The following TOMM20 variants were observed in gnomAD, a reference collection of about 807,000 sequenced individuals.
TOMM20 encodes translocase of outer mitochondrial membrane 20.
In TOMM20, 10 loss-of-function variants were observed where a neutral mutation model predicts 22.1. The observed-to-expected ratio is 0.45, with a 90% CI of 0.28 to 0.77. The LOEUF (loss-of-function observed/expected upper bound fraction) is 0.77, where lower values mean the gene tolerates loss of function less well. TOMM20 is among the 30% of genes least tolerant of loss of function. TOMM20 has a pLI of 0.13. For synonymous variants in TOMM20, 55 were observed against 61.4 expected, an observed-to-expected ratio of 0.90 and a Z score of 0.49; for missense variants, 121 against 172.2, an observed-to-expected ratio of 0.70 and a Z score of 1.66.
chr1:235,119,927 AC>A, intron 2 of TOMM20, 28 bp from the exon 3 acceptor site: 1 of 1,487,324 alleles, frequency 6.7e-7, no homozygotes, highest in Non-Finnish European at 9.4e-7. Flanking sequence ...AATAAATGAC[AC>A]CACAATTATG....
intron 1 of TOMM20, among the ~76,000 whole-genome samples, chr1:235,123,226 G>C (rs568236251): frequency 6.6e-6 from 1 of 152,298 alleles, no homozygotes; most frequent in Admixed American, 6.5e-5. Flanking sequence ...AGTGGCTCAT[G>C]CTTTAATCCC....
chr1:235,120,431 ATTTTTGT>A (rs1660911405), intron 2 of TOMM20, among the ~76,000 whole-genome samples: 1 of 151,514 alleles, frequency 6.6e-6, no homozygotes, highest in African/African-American at 2.4e-5. Context: ...TGCCCAGCTA[ATTTTTGT>A]ATTTTTAGTA....
chr1:235,122,701 A>G (rs1235159106), intron 1 of TOMM20, among the ~76,000 whole-genome samples: 1 of 152,254 alleles, frequency 6.6e-6, no homozygotes, highest in East Asian at 1.9e-4. Context: ...GATATGTAAC[A>G]GGGGCAAGAA....
At chr1:235,116,457 T>G (rs1660829704) in intron 3 of TOMM20, among the ~76,000 whole-genome samples, 1 of 152,022 alleles carries the variant, frequency 6.6e-6, no homozygotes, top group Admixed American at 6.6e-5. Context: ...GAGAATCGCT[T>G]GAACCTGGAA....
chr1:235,115,508 T>C (rs1660813980), intron 3 of TOMM20, among the ~76,000 whole-genome samples: 1 of 151,906 alleles, frequency 6.6e-6, no homozygotes, highest in Admixed American at 6.6e-5. Flanking sequence ...ACACCTGTAA[T>C]CCCAGCTACT....
intron 4 of TOMM20, among the ~76,000 whole-genome samples, chr1:235,113,248 T>C (rs1180539952): frequency 6.6e-6 from 1 of 152,242 alleles, no homozygotes; most frequent in Non-Finnish European, 1.5e-5. Flanking sequence ...TTTTGCATTT[T>C]TGAGTAGGGA....
At chr1:235,121,677 G>C (rs1240379349) in intron 2 of TOMM20, among the ~76,000 whole-genome samples, 1 of 152,004 alleles carries the variant, frequency 6.6e-6, no homozygotes, top group Non-Finnish European at 1.5e-5. Flanking sequence ...CCAAACAATA[G>C]AACTCATCTC....
At chr1:235,125,245 C>T (rs561354397) in intron 1 of TOMM20, among the ~76,000 whole-genome samples, 2 of 152,168 alleles carry the variant, frequency 1.3e-5, no homozygotes, top group Non-Finnish European at 2.9e-5. Flanking sequence ...GACGGAGTCT[C>T]GCTTTGTCGC....
In TOMM20 at chr1:235,128,810, G is replaced by T; in HGVS notation, c.-95C>A. The T allele has an allele frequency of 1.3e-6, 2 of 1,562,964 alleles. No homozygotes were observed. Among genetic ancestry groups the T allele is most frequent in the Non-Finnish European group, 8.6e-7 (1 of 1,156,720 alleles). On this transcript the variant is annotated 5_prime_UTR_variant, in exon 1 of 5. Transcript: ENST00000366607. ...AGAGCGGTCGGCGCAGCTCACACCCGACGGCCGCGGGCCAGGAACACAGAA... is the reference window on the plus strand; with the variant it reads ...AGAGCGGTCGGCGCAGCTCACACCCTACGGCCGCGGGCCAGGAACACAGAA...
chr1:235,128,006 T>C (rs1343688183), intron 1 of TOMM20: 3 of 439,290 alleles, frequency 6.8e-6, no homozygotes, highest in Non-Finnish European at 1.4e-5. Flanking sequence ...TGAAACCCCG[T>C]CTCTACTAAA....
chr1:235,117,121 C>T (rs1303376236), intron 3 of TOMM20, among the ~76,000 whole-genome samples: 7 of 101,408 alleles, frequency 6.9e-5, no homozygotes, highest in Admixed American at 3.2e-4. Context: ...GGCGACAGAG[C>T]GAGACTCCAT....
rs553761637 is a variant in TOMM20 at position 235,110,690 on chromosome 1, C to T, written c.*1374G>A. The T allele has an allele frequency of 1.3e-5, 2 of 152,070 alleles. No homozygotes were observed. The highest frequency in any genetic ancestry group is 4.8e-5 in the African/African-American group (2 of 41,396). 9.4% of individuals were successfully genotyped at this position (152,070 alleles called of 1,614,324 possible). On this transcript the variant is annotated 3_prime_UTR_variant, in exon 5 of 5. Transcript: ENST00000366607. Reference sequence around the variant, plus strand: ...TCCTTCCACTGCACCACAAAAAAACCGAGATTGATAATGATTAAGAAGAGT... The same window carrying T: ...TCCTTCCACTGCACCACAAAAAAACTGAGATTGATAATGATTAAGAAGAGT...
At chr1:235,123,994 G>A (rs1407010320) in intron 1 of TOMM20, among the ~76,000 whole-genome samples, 2 of 152,234 alleles carry the variant, frequency 1.3e-5, no homozygotes, top group Non-Finnish European at 2.9e-5. Flanking sequence ...AGTTTTAGAT[G>A]CTACATGCGA....
intron 3 of TOMM20, chr1:235,119,423 G>A (rs1407350076): frequency 6.5e-6 from 1 of 153,868 alleles, no homozygotes; most frequent in African/African-American, 2.4e-5. Flanking sequence ...AAGATCTGAA[G>A]ATTAGATGAA....
Position 235,113,822 on chromosome 1 carries a change from A to G in TOMM20, c.339T>C (p.Thr113=). The G allele has an allele frequency of 1.2e-6, 2 of 1,613,804 alleles. No homozygotes were observed. The highest frequency in any genetic ancestry group is 1.7e-6 in the Non-Finnish European group (2 of 1,179,988). Residue 113 remains threonine, a synonymous_variant, in exon 4 of 5, where the codon ACT becomes ACC. Transcript: ENST00000366607. ...PQQLLQVLQQ[T]LPPPVFQMLL... ...GCATCTGGAACACTGGTGGTGGAAG[A>G]GTTTGCTGTAAGACCTGCAGTAACT...
intron 3 of TOMM20, among the ~76,000 whole-genome samples, chr1:235,116,936 C>A (rs529082322): frequency 1.3e-5 from 2 of 149,426 alleles, no homozygotes; most frequent in African/African-American, 2.5e-5. Context: ...GAGATCGAGA[C>A]CATCCTGGCT....
intron 1 of TOMM20, among the ~76,000 whole-genome samples, chr1:235,126,547 G>C (rs909190459): frequency 6.6e-6 from 1 of 152,042 alleles, no homozygotes; most frequent in African/African-American, 2.4e-5. Context: ...GCTCACGCCT[G>C]TAATCCCAGC....
intron 1 of TOMM20, 102 bp downstream of exon 1, chr1:235,128,493 C>A: frequency 1.3e-6 from 2 of 1,565,986 alleles, no homozygotes; most frequent in South Asian, 1.2e-5. Flanking sequence ...ACCACGCGGT[C>A]GCCCTGCGCG....
intron 3 of TOMM20, among the ~76,000 whole-genome samples, chr1:235,118,203 G>A (rs781207134): frequency 1.1e-4 from 16 of 152,218 alleles, no homozygotes; most frequent in Non-Finnish European, 1.9e-4. Context: ...CCCTTCTTGT[G>A]CAAAGTGGAT....
Sources: gnomAD v4.1 joint callset for allele counts (sites outside exome capture counted in the v4.1 genomes callset) on GRCh38, gnomAD v4.1.1 for gene constraint, MANE v1.5 for transcripts, NCBI Gene and HGNC (gene_info 2026-07-23, HGNC 2026-07-21) for gene names.